The following DLG2 variants were observed in gnomAD, a reference collection of about 807,000 sequenced individuals.
The protein encoded by DLG2 is discs large MAGUK scaffold protein 2, also known as disks large homolog 2.
DLG2 carries 45 observed loss-of-function variants against 132.5 expected under a neutral mutation model. The observed-to-expected ratio is 0.34, with a 90% confidence interval of 0.27 to 0.44. The LOEUF (loss-of-function observed/expected upper bound fraction) is 0.44. DLG2 is among the 20% of genes least tolerant of loss of function. The pLI is 1.00. For missense variants in DLG2, 1,045 were observed against 1,196.9 expected (o/e 0.87, Z 1.87); for synonymous variants, 424 against 419.6 (o/e 1.01, Z -0.13).
chr11:85,338,860 G>A lies in DLG2; in HGVS notation c.41-53495C>T, dbSNP rs187540199. Among the ~76,000 whole-genome samples, 270 of 151,780 alleles carry A rather than the reference G, an allele frequency of 1.8e-3. 1 individual carries two copies. The highest frequency in any genetic ancestry group is 6.2e-3 in the African/African-American group (258 of 41,406). On this transcript the variant is annotated intron_variant, in intron 3 of 27. Transcript: ENST00000376104. ...GCTGGGACTACAGGAGCCCACCACC[G>A]TGCCCGGCTAATCTTTTGTACTTTT...
At chr11:84,810,897 CA>C (rs1485404574) in intron 6 of DLG2, among the ~76,000 whole-genome samples, 1 of 152,030 alleles carries the variant, frequency 6.6e-6, no homozygotes, top group Non-Finnish European at 1.5e-5. Flanking sequence ...AAATGGAGAA[CA>C]GATCAGTGGT....
intron 15 of DLG2, among the ~76,000 whole-genome samples, chr11:83,875,932 A>G (rs2064679044): frequency 2.0e-5 from 3 of 152,184 alleles, no homozygotes; most frequent in Admixed American, 1.3e-4. Flanking sequence ...CTACAGAATC[A>G]TATTCAAGTT....
At chr11:85,037,361 G>A (rs932423452) in intron 6 of DLG2, among the ~76,000 whole-genome samples, 42 of 152,162 alleles carry the variant, frequency 2.8e-4, no homozygotes, top group African/African-American at 9.7e-4. Context: ...CTGAGACTAA[G>A]TTTCTTCCTT....
chr11:83,693,377 C>G (rs1016015508), intron 18 of DLG2, among the ~76,000 whole-genome samples: 1 of 152,124 alleles, frequency 6.6e-6, no homozygotes, highest in Non-Finnish European at 1.5e-5. Flanking sequence ...TTTGGGGAAG[C>G]AGAGTCCTTG....
intron 6 of DLG2, among the ~76,000 whole-genome samples, chr11:84,775,714 T>C (rs537256643): frequency 1.3e-5 from 2 of 152,020 alleles, no homozygotes; most frequent in South Asian, 2.1e-4. Flanking sequence ...GAGTTATACA[T>C]GGCAACAATA....
At chr11:84,357,488 T>G (rs2098623102) in intron 7 of DLG2, among the ~76,000 whole-genome samples, 1 of 151,944 alleles carries the variant, frequency 6.6e-6, no homozygotes, top group Non-Finnish European at 1.5e-5. Context: ...CAGTTTAATT[T>G]TACATGGTTG....
intron 10 of DLG2, among the ~76,000 whole-genome samples, chr11:84,067,855 A>G (rs1398039443): frequency 6.6e-6 from 1 of 152,258 alleles, no homozygotes; most frequent in African/African-American, 2.4e-5. Context: ...CATTTTTCCA[A>G]GAAAGGAAGA....
chr11:83,837,517 C>T (rs2056518384), intron 16 of DLG2, among the ~76,000 whole-genome samples: 1 of 152,028 alleles, frequency 6.6e-6, no homozygotes, highest in Admixed American at 6.6e-5. Flanking sequence ...ACTACTGACA[C>T]TGCAGGGTTG....
At chr11:84,854,393 T>C (rs2082522513) in intron 6 of DLG2, among the ~76,000 whole-genome samples, 2 of 152,056 alleles carry the variant, frequency 1.3e-5, no homozygotes, top group African/African-American at 4.8e-5. Flanking sequence ...TAGACATTCC[T>C]GGATGATTAA....
chr11:85,533,111 C>T (rs183997177), intron 3 of DLG2, among the ~76,000 whole-genome samples: 1 of 152,126 alleles, frequency 6.6e-6, no homozygotes, highest in African/African-American at 2.4e-5. Flanking sequence ...GCAACCTCCC[C>T]CTCCCGGGTT....
At chr11:84,153,823 A>G (rs1399003346) in intron 9 of DLG2, among the ~76,000 whole-genome samples, 5 of 152,028 alleles carry the variant, frequency 3.3e-5, no homozygotes, top group Admixed American at 3.3e-4. Flanking sequence ...TGTGTCTGTC[A>G]TTTCAGCCAT....
At chr11:83,790,125 C>A (rs2084509347) in intron 17 of DLG2, 2 of 893,654 alleles carry the variant, frequency 2.2e-6, no homozygotes, top group African/African-American at 1.7e-5. Context: ...GCCAGTCTGA[C>A]AAGGTAAGTT....
intron 16 of DLG2, among the ~76,000 whole-genome samples, chr11:83,836,993 G>C (rs540708222): frequency 1.3e-5 from 2 of 152,078 alleles, no homozygotes; most frequent in Non-Finnish European, 2.9e-5. Flanking sequence ...TCAGCTCCGC[G>C]CTTGGATCCA....
rs1386226045 is a variant in DLG2, at chr11:83,657,111, C to T, written c.1826-23786G>A. Among the ~76,000 whole-genome samples, 8 of 152,332 alleles carry T rather than the reference C, an allele frequency of 5.3e-5. No individual in the cohort carries two copies. In the East Asian group the frequency reaches 5.8e-4, roughly 11 times the overall value. ...GTGTTTCCATATCTCTTTATTATAA[C>T]ATCTAGATTAAAACTTGTCTTATTC... On this transcript the variant is annotated intron_variant, in intron 18 of 27. Transcript: ENST00000376104.
At chr11:83,753,822 T>A (rs191180225) in intron 18 of DLG2, among the ~76,000 whole-genome samples, 2,067 of 39,084 alleles carry the variant, frequency 0.053, 254 homozygotes, top group African/African-American at 0.27. Flanking sequence ...ATATATATAT[T>A]TCATATATAT....
intron 3 of DLG2, among the ~76,000 whole-genome samples, chr11:85,428,684 T>C (rs1178983528): frequency 1.3e-5 from 2 of 152,154 alleles, no homozygotes; most frequent in East Asian, 3.9e-4. Context: ...AGGAAAGATC[T>C]AAAATTGACA....
In DLG2 at chr11:84,506,079, C is replaced by CTTTTTTTTTTTTTTT. The variant is rs779039240; in HGVS notation, c.519+28490_519+28491insAAAAAAAAAAAAAAA. On this transcript the variant is annotated intron_variant, in intron 7 of 27. Coordinates refer to ENST00000376104, the MANE Select transcript of DLG2 (RefSeq NM_001142699.3). ...CTAATGTTATGACAGAGGCTCAGTT[C>CTTTTTTTTTTTTTTT]TTTTTTTTTTTTTTGAGACGGAGTC... 4.0e-4 allele frequency among the ~76,000 whole-genome samples: 43 copies of CTTTTTTTTTTTTTTT among 107,028 alleles called. 9 individuals are homozygous for CTTTTTTTTTTTTTTT. Among genetic ancestry groups the CTTTTTTTTTTTTTTT allele is most frequent in the African/African-American group, 1.6e-3 (31 of 19,740 alleles). The allele number at this position is 107,028 out of a possible 152,430, so 70.2% of individuals were successfully genotyped here.
At chr11:84,397,280 T>A (rs1226217809) in intron 7 of DLG2, among the ~76,000 whole-genome samples, 1 of 152,178 alleles carries the variant, frequency 6.6e-6, no homozygotes, top group South Asian at 2.1e-4. Flanking sequence ...AGAAATTTTT[T>A]AAAAATCAGA....
At chr11:83,799,212 G>C (rs1285824621) in intron 17 of DLG2, among the ~76,000 whole-genome samples, 1 of 152,182 alleles carries the variant, frequency 6.6e-6, no homozygotes, top group Non-Finnish European at 1.5e-5. Flanking sequence ...TCTGATGGCT[G>C]GCATAGAACA....
Sources: gnomAD v4.1 joint callset for allele counts (sites outside exome capture counted in the v4.1 genomes callset) on GRCh38, gnomAD v4.1.1 for gene constraint, MANE v1.5 for transcripts, NCBI Gene and HGNC (gene_info 2026-07-23, HGNC 2026-07-21) for gene names.